KCNT1: variants seen among roughly 807,000 people sequenced by gnomAD.
KCNT1 encodes the protein potassium channel subfamily T member 1.
A neutral mutation model predicts 147.8 loss-of-function variants in KCNT1; 78 were observed. The ratio of observed to expected loss-of-function variants is 0.53; its 90% confidence interval spans 0.44 to 0.64. The LOEUF (loss-of-function observed/expected upper bound fraction) is 0.64. KCNT1 is among the 30% of genes least tolerant of loss of function. KCNT1 has a pLI of 0.00. For synonymous variants in KCNT1, 867 were observed against 748.8 expected, an observed-to-expected ratio of 1.16 and a Z score of -2.58; for missense variants, 1,419 against 1,750.3, an observed-to-expected ratio of 0.81 and a Z score of 3.38.
chr9:135,752,817 GTGGAGGGATGGATGTTGGA>G lies in KCNT1; in HGVS notation c.435-1109_435-1091del, dbSNP rs879429338. Among the ~76,000 whole-genome samples the G allele has an allele frequency of 2.2e-4, 33 of 150,876 alleles. No homozygotes were observed. The highest frequency in any genetic ancestry group is 5.3e-4 in the Admixed American group (8 of 15,196). On this transcript the variant is annotated intron_variant, in intron 4 of 30. Coordinates refer to ENST00000371757, the MANE Select transcript of KCNT1 (RefSeq NM_020822.3). This position sits in a 1 kb window ranked among gnomAD's most constrained non-coding sequence, Gnocchi z 5.1. The stretch of plus-strand genomic sequence containing the variant: ...GGATGGATGGATGATGCGTGGATGG[GTGGAGGGATGGATGTTGGA>G]TGGAGGGATGAGTGAATGGGTGGAG...
chr9:135,775,401 C>A lies in KCNT1; in HGVS notation c.2335C>A (p.Leu779Met). ...GCCTGTGAAAGCCCCCTTCTGCTGC[C>A]TGCGGCTGGACAAGGTAAGGCTGGC... ...LLPVKAPFCC[L>M]RLDKGCKHNS... Residue 779 changes from leucine (L) to methionine (M), a missense_variant, in exon 20 of 31, where the codon CTG (leucine) becomes ATG (methionine). Physicochemically the swap from Leu to Met is conservative, Grantham distance 15. Transcript: ENST00000371757. 2 of 1,610,354 alleles carry A rather than the reference C, an allele frequency of 1.2e-6. No homozygotes were observed. The highest frequency in any genetic ancestry group is 1.7e-6 in the Non-Finnish European group (2 of 1,178,182).
At chr9:135,776,472 G>A (rs1028060777) in intron 20 of KCNT1, among the ~76,000 whole-genome samples, 1 of 152,060 alleles carries the variant, frequency 6.6e-6, no homozygotes, top group African/African-American at 2.4e-5. Context: ...TCACTATGTT[G>A]CCCAGGCTAG....
intron 24 of KCNT1, 93 bp from the exon 25 acceptor site, chr9:135,783,931 T>A: frequency 1.2e-6 from 1 of 866,130 alleles, no homozygotes; most frequent in Admixed American, 1.7e-5. Flanking sequence ...TGCACACATG[T>A]ACGGTGCACA....
At chr9:135,717,721 G>A (rs1417826552) in intron 2 of KCNT1, among the ~76,000 whole-genome samples, 2 of 152,210 alleles carry the variant, frequency 1.3e-5, no homozygotes, top group Admixed American at 6.5e-5. Flanking sequence ...AGAGGCCTAG[G>A]AGCCCGGGGA....
intron 2 of KCNT1, among the ~76,000 whole-genome samples, chr9:135,715,079 G>T (rs566199627): frequency 3.9e-5 from 6 of 152,336 alleles, no homozygotes; most frequent in African/African-American, 1.4e-4. Context: ...CGCCCCGGTG[G>T]CGGAGCCCGC....
Position 135,758,478 on chromosome 9 carries a change from T to A in KCNT1, c.824T>A (p.Phe275Tyr), listed in dbSNP as rs2131444644. 1 of 1,613,756 alleles carries A rather than the reference T, an allele frequency of 6.2e-7. No homozygotes were observed. The highest frequency in any genetic ancestry group is 8.5e-7 in the Non-Finnish European group (1 of 1,179,982). ...ATGTTCAACCAGGTCCTCATCCTCT[T>A]CTGCACCCTGCTGTGCCTCGTTTTC... ...SAMFNQVLIL[F>Y]CTLLCLVFTG... The change falls in exon 10 of 31, where the codon TTC (phenylalanine) becomes TAC (tyrosine). Residue 275 changes from phenylalanine to tyrosine, a missense_variant. Phe to Tyr is a conservative substitution (Grantham distance 22). Coordinates refer to ENST00000371757, the MANE Select transcript of KCNT1 (RefSeq NM_020822.3).
At chr9:135,704,824 C>T (rs1835180679) in intron 1 of KCNT1, among the ~76,000 whole-genome samples, 2 of 152,202 alleles carry the variant, frequency 1.3e-5, no homozygotes, top group Admixed American at 6.5e-5. Flanking sequence ...GGAAGTAGCT[C>T]AGGGCTCATG....
In KCNT1 at chr9:135,758,544, G is replaced by A. The variant is rs140790441; in HGVS notation, c.854+36G>A. 3.4e-4 allele frequency: 521 copies of A among 1,555,074 alleles called. 1 individual carries two copies. The African/African-American group carries it at 5.7e-3, about 17-fold the overall frequency. On this transcript the variant is annotated intron_variant, in intron 10 of 30. Transcript: ENST00000371757. ...GCCGTCAGTGTGAGCACCCCAGGAC[G>A]TTGGGAGGGCCCGAGAGGCAAGCAG...
intron 1 of KCNT1, among the ~76,000 whole-genome samples, chr9:135,704,206 C>A (rs1366968139): frequency 2.0e-5 from 3 of 152,190 alleles, no homozygotes; most frequent in African/African-American, 7.2e-5. Flanking sequence ...GAACCCAGGC[C>A]CTGGAGTCCA....
At chr9:135,791,969 C>T (rs972286031) in intron 30 of KCNT1, 72 bp from the exon 31 acceptor site, 2 of 1,608,604 alleles carry the variant, frequency 1.2e-6, no homozygotes, top group Non-Finnish European at 1.7e-6. Context: ...CACAGTGGGG[C>T]CGCTCAGCAG....
chr9:135,712,905 GT>G (rs1835560117), intron 1 of KCNT1, among the ~76,000 whole-genome samples: 1 of 152,224 alleles, frequency 6.6e-6, no homozygotes, highest in South Asian at 2.1e-4. Flanking sequence ...TCTTGTCCTT[GT>G]CACCCTCCCC....
At chr9:135,771,546 C>A (rs917698936) in intron 18 of KCNT1, among the ~76,000 whole-genome samples, 1 of 152,256 alleles carries the variant, frequency 6.6e-6, no homozygotes. Context: ...GTGGTCCCAT[C>A]AGCCCGGAGG....
chr9:135,780,362 T>C lies in KCNT1; in HGVS notation c.2841+892T>C, dbSNP rs139651479. Among the ~76,000 whole-genome samples, 881 of 152,190 alleles carry C rather than the reference T, an allele frequency of 5.8e-3. 7 individuals are homozygous for C. The highest frequency in any genetic ancestry group is 0.02 in the African/African-American group (831 of 41,516). On this transcript the variant is annotated intron_variant, in intron 24 of 30. Coordinates refer to ENST00000371757, the MANE Select transcript of KCNT1 (RefSeq NM_020822.3). ...TGCAGGATTGTGACACCGTGGAGGATCTACTGAGCCAGGCCCGGCCTGGCC... is the reference window on the plus strand; with the variant it reads ...TGCAGGATTGTGACACCGTGGAGGACCTACTGAGCCAGGCCCGGCCTGGCC...
intron 18 of KCNT1, among the ~76,000 whole-genome samples, chr9:135,771,998 C>T (rs1445892135): frequency 6.6e-6 from 1 of 152,202 alleles, no homozygotes; most frequent in Non-Finnish European, 1.5e-5. Context: ...CTCCAAGACC[C>T]AGAGGGCCCT....
chr9:135,784,654 C>G, intron 26 of KCNT1, 36 bp downstream of exon 26: 1 of 1,610,642 alleles, frequency 6.2e-7, no homozygotes, highest in Non-Finnish European at 8.5e-7. Flanking sequence ...TGGGGGCGTG[C>G]TGGGCTGTCC....
intron 4 of KCNT1, among the ~76,000 whole-genome samples, chr9:135,753,200 T>G (rs1214289062): frequency 6.6e-6 from 1 of 151,864 alleles, no homozygotes; most frequent in Non-Finnish European, 1.5e-5. Flanking sequence ...GTCCAGATAC[T>G]TCTGTGGGCA....
At chr9:135,782,344 C>G (rs1187640715) in intron 24 of KCNT1, among the ~76,000 whole-genome samples, 1 of 152,186 alleles carries the variant, frequency 6.6e-6, no homozygotes, top group African/African-American at 2.4e-5. Flanking sequence ...GGCCCACCTC[C>G]CCTGCCGTCC....
chr9:135,780,696 C>T (rs1833549431), intron 24 of KCNT1, among the ~76,000 whole-genome samples: 2 of 152,252 alleles, frequency 1.3e-5, no homozygotes, highest in Non-Finnish European at 2.9e-5. Flanking sequence ...TGGAGCCTGC[C>T]CTGCCCAGCG....
rs1253324002 is a variant in KCNT1 at position 135,752,668 on chromosome 9, G to T, written c.435-1269G>T. 2.1e-5 allele frequency among the ~76,000 whole-genome samples: 3 copies of T among 145,404 alleles called. No individual in the cohort carries two copies. The Admixed American group carries it at 2.1e-4, about 10-fold the overall frequency. ...ACGGACGGATGGACGGATGGATGGA[G>T]TGGATGGAGGGATGAGTGGATGGGT... On this transcript the variant is annotated intron_variant, in intron 4 of 30. Coordinates refer to ENST00000371757, the MANE Select transcript of KCNT1 (RefSeq NM_020822.3). The surrounding 1 kb of genome is among the most constrained non-coding windows in gnomAD (Gnocchi z 5.1).
Sources: allele counts gnomAD v4.1 joint callset (sites outside exome capture counted in the v4.1 genomes callset), GRCh38; gene constraint gnomAD v4.1.1; non-coding constraint Gnocchi (gnomAD v3.1); transcripts MANE v1.5; gene names NCBI Gene and HGNC (gene_info 2026-07-23, HGNC 2026-07-21).